Variants in ENPP1 observed in about 807,000 individuals in gnomAD.
ENPP1 encodes the protein ectonucleotide pyrophosphatase/phosphodiesterase family member 1.
In ENPP1, 73 loss-of-function variants were observed where a neutral mutation model predicts 122.8. The ratio of observed to expected loss-of-function variants is 0.59; its 90% CI spans 0.49 to 0.72. The LOEUF (loss-of-function observed/expected upper bound fraction) is 0.72. Among genes scored for constraint, ENPP1 ranks in the 30% least tolerant of loss-of-function variants. The pLI, the probability that ENPP1 is intolerant of heterozygous loss-of-function variation, is 0.00. For synonymous variants in ENPP1, 367 were observed against 391.6 expected (o/e 0.94, Z 0.74); for missense variants, 978 against 1,128.1 (o/e 0.87, Z 1.91).
chr6:131,832,350 A>G (rs1330151151), intron 1 of ENPP1, among the ~76,000 whole-genome samples: 1 of 152,146 alleles, frequency 6.6e-6, no homozygotes, highest in Admixed American at 6.5e-5. Flanking sequence ...CCATTGCACT[A>G]TATGTGTGGA....
At chr6:131,886,971 C>G (rs1782387959) in intron 24 of ENPP1, among the ~76,000 whole-genome samples, 1 of 148,168 alleles carries the variant, frequency 6.7e-6, no homozygotes, top group Non-Finnish European at 1.5e-5. Context: ...TCTATGTTGC[C>G]CAGGCTGGTC....
At position 131,861,444 on chromosome 6, in the gene ENPP1, A is replaced by G. The variant is rs9493114; in HGVS notation, c.916-151A>G. On this transcript the variant is annotated intron_variant, in intron 8 of 24. Coordinates refer to ENST00000647893, the MANE Select transcript of ENPP1 (RefSeq NM_006208.3). ...GTTGTTGCTGCTTAAGAGTCATATT[A>G]CATGATTATTGTCATCTAAGTGCTG... 0.027 allele frequency: 18,098 copies of G among 678,838 alleles called. 345 individuals carry two copies. The highest frequency in any genetic ancestry group is 0.039 in the South Asian group (2,556 of 66,188). The allele number at this position is 678,838 out of a possible 1,614,324, so 42.1% of individuals were successfully genotyped here.
chr6:131,872,267 C>T (rs1168883252), intron 14 of ENPP1, among the ~76,000 whole-genome samples, 166 bp downstream of exon 14: 2 of 151,814 alleles, frequency 1.3e-5, no homozygotes, highest in Non-Finnish European at 2.9e-5. Context: ...GGTCGTATCC[C>T]AATAATCCAG....
intron 2 of ENPP1, among the ~76,000 whole-genome samples, chr6:131,849,203 T>C (rs1355200309): frequency 2.0e-5 from 3 of 152,190 alleles, no homozygotes; most frequent in Admixed American, 6.5e-5. Flanking sequence ...TAATCTCAAC[T>C]ATATGGCATG....
chr6:131,827,249 G>C lies in ENPP1; in HGVS notation c.240+18974G>C, dbSNP rs1781557232. ...TGATCTGTTTCAGTTTGTTCTCACT[G>C]ACCTCTGATAGGAATATGGAGAAGC... On this transcript the variant is annotated intron_variant, in intron 1 of 24. Coordinates refer to ENST00000647893, the MANE Select transcript of ENPP1 (RefSeq NM_006208.3). 5 of 1,124,224 alleles carry C rather than the reference G, an allele frequency of 4.4e-6. No homozygotes were observed. In the East Asian group the frequency reaches 1.2e-4, roughly 26 times the overall value. The allele number at this position is 1,124,224 out of a possible 1,614,324, so 69.6% of individuals were successfully genotyped here. A position where few individuals can be genotyped will look rare whatever the true frequency, so the allele number is the denominator to read the frequency against.
intron 1 of ENPP1, 134 bp downstream of exon 1, chr6:131,808,409 G>A (rs1322870111): frequency 2.5e-6 from 3 of 1,179,412 alleles, no homozygotes; most frequent in East Asian, 6.4e-5. Context: ...TTCTTCGCCC[G>A]CGCGCTCTCC....
In ENPP1 at chr6:131,877,114, T is replaced by C. The variant is rs907235609; in HGVS notation, c.1846T>C (p.Phe616Leu). The change falls in exon 18 of 25, where the codon TTC becomes CTC. Residue 616 changes from phenylalanine to leucine, a missense_variant. By Grantham distance (22) the Phe-to-Leu change is conservative. This residue lies in a region of ENPP1 where 644 missense variants were observed against 781.5 expected (regional missense o/e 0.82). Coordinates refer to ENST00000647893, the MANE Select transcript of ENPP1 (RefSeq NM_006208.3). ...AGTGCACCCCCTGGTACAGTGCCCC[T>C]TCACAAGAAACCCCAGAGATAACCT... ...KEVHPLVQCP[F>L]TRNPRDNLGC... The C allele has an allele frequency of 8.1e-6, 13 of 1,613,878 alleles. No homozygotes were observed. Among genetic ancestry groups the C allele is most frequent in the East Asian group, 2.2e-5 (1 of 44,870 alleles).
intron 17 of ENPP1, 67 bp downstream of exon 17, chr6:131,875,930 G>T (rs1562182639): frequency 7.5e-7 from 1 of 1,333,970 alleles, no homozygotes; most frequent in Non-Finnish European, 1.1e-6. Context: ...TCAAAAGCAG[G>T]TCACATTGTA....
rs781176690 is a variant in ENPP1 at position 131,875,872 on chromosome 6, G to C, written c.1723+9G>C. 1.2e-6 allele frequency: 2 copies of C among 1,602,826 alleles called. No homozygotes were observed. Among genetic ancestry groups the C allele is most frequent in the African/African-American group, 2.7e-5 (2 of 74,832 alleles). The stretch of plus-strand genomic sequence containing the variant: ...CTATAACTTAATGTGTGGTAAGTGT[G>C]AACAGGTGCCTTTTTTCCCTTCTGA... On this transcript the variant is annotated intron_variant, in intron 17 of 24. Coordinates refer to ENST00000647893, the MANE Select transcript of ENPP1 (RefSeq NM_006208.3).
chr6:131,850,169 G>A lies in ENPP1; in HGVS notation c.430+63G>A. On this transcript the variant is annotated intron_variant, in intron 3 of 24. Coordinates refer to ENST00000647893, the MANE Select transcript of ENPP1 (RefSeq NM_006208.3). The stretch of plus-strand genomic sequence containing the variant: ...TTAGGAAAAGATCAAGGAAAGTTCT[G>A]TGTCTTTCAGGTATGTGATTTACCT... 7 of 1,135,758 alleles carry A rather than the reference G, an allele frequency of 6.2e-6. No homozygotes were observed. In the South Asian group the frequency reaches 7.4e-5, roughly 12 times the overall value. The allele number at this position is 1,135,758 out of a possible 1,614,324, so 70.4% of individuals were successfully genotyped here.
intron 24 of ENPP1, among the ~76,000 whole-genome samples, chr6:131,887,507 C>G (rs892667091): frequency 1.1e-4 from 16 of 148,198 alleles, no homozygotes; most frequent in Non-Finnish European, 2.1e-4. Context: ...ATTCTCCTGC[C>G]TCAGCCTCCC....
At chr6:131,865,088 A>G (rs574970709) in intron 11 of ENPP1, 150 bp downstream of exon 11, 1 of 666,202 alleles carries the variant, frequency 1.5e-6, no homozygotes, top group Non-Finnish European at 2.7e-6. Context: ...ATAAGGATGC[A>G]CTTTAAACAA....
In ENPP1 at chr6:131,833,524, T is replaced by G. The variant is rs549747751; in HGVS notation, c.241-14252T>G. ...AATTTCCAATTTTTATGAACTCAAA[T>G]GTATCAACTTTTCCATTATCATTTT... On this transcript the variant is annotated intron_variant, in intron 1 of 24. Coordinates refer to ENST00000647893, the MANE Select transcript of ENPP1 (RefSeq NM_006208.3). Among the ~76,000 whole-genome samples, 10 of 152,330 alleles carry G rather than the reference T, an allele frequency of 6.6e-5. No homozygotes were observed. In the South Asian group the frequency reaches 2.1e-3, roughly 32 times the overall value.
At position 131,838,851 on chromosome 6, in the gene ENPP1, A is replaced by G. The variant is rs1781707267; in HGVS notation, c.241-8925A>G. Reference sequence around the variant, plus strand: ...TTATTATAAACAACTTTATAACCATATGTTTGAAAAGGTAGGTGAAATGAA... The same window carrying G: ...TTATTATAAACAACTTTATAACCATGTGTTTGAAAAGGTAGGTGAAATGAA... On this transcript the variant is annotated intron_variant, in intron 1 of 24. Coordinates refer to ENST00000647893, the MANE Select transcript of ENPP1 (RefSeq NM_006208.3). Among the ~76,000 whole-genome samples the G allele has an allele frequency of 2.6e-5, 4 of 152,198 alleles. No individual in the cohort carries two copies. In the South Asian group the frequency reaches 8.3e-4, roughly 32 times the overall value.
chr6:131,817,162 T>C (rs1054377020), intron 1 of ENPP1, among the ~76,000 whole-genome samples: 5 of 152,220 alleles, frequency 3.3e-5, no homozygotes, highest in Admixed American at 2.6e-4. Context: ...TAGACTATGA[T>C]GGTAACTGGA....
chr6:131,818,924 G>A (rs1165726160), intron 1 of ENPP1, among the ~76,000 whole-genome samples: 1 of 152,160 alleles, frequency 6.6e-6, no homozygotes, highest in Non-Finnish European at 1.5e-5. Flanking sequence ...AATGAGTGAT[G>A]TTAGCTTGTC....
intron 6 of ENPP1, 32 bp downstream of exon 6, chr6:131,855,055 T>TATTCCAG: frequency 7.2e-7 from 1 of 1,397,230 alleles, no homozygotes; most frequent in Non-Finnish European, 1.0e-6. Context: ...TGCTGGAATA[T>TATTCCAG]CACCATTTCA....
chr6:131,879,780 CAATATAATT>C, intron 19 of ENPP1, 91 bp from the exon 20 acceptor site: 1 of 1,083,854 alleles, frequency 9.2e-7, no homozygotes, highest in South Asian at 1.3e-5. Context: ...AGTAAATCTT[CAATATAATT>C]AAGTAGAGGA....
chr6:131,834,977 C>T (rs1378839150), intron 1 of ENPP1, among the ~76,000 whole-genome samples: 1 of 152,062 alleles, frequency 6.6e-6, no homozygotes, highest in Non-Finnish European at 1.5e-5. Flanking sequence ...TTATTAGGGA[C>T]CATAGAAAAT....
Sources: gnomAD v4.1 joint callset for allele counts (sites outside exome capture counted in the v4.1 genomes callset) on GRCh38, gnomAD v4.1.1 for gene constraint, gnomAD v4.1.1 regional missense constraint, MANE v1.5 for transcripts, NCBI Gene and HGNC (gene_info 2026-07-23, HGNC 2026-07-21) for gene names.